MTUS2: variants seen among roughly 807,000 people sequenced by gnomAD.
MTUS2 encodes microtubule-associated tumor suppressor candidate 2.
In MTUS2, 40 loss-of-function variants were observed where a neutral mutation model predicts 114.1. The ratio of observed to expected loss-of-function variants is 0.35; its 90% confidence interval spans 0.27 to 0.46. MTUS2 has a LOEUF of 0.46. MTUS2 is among the 20% of genes least tolerant of loss of function. The pLI, the probability that MTUS2 is intolerant of heterozygous loss-of-function variation, is 1.00. For missense variants in MTUS2, 1,679 were observed against 1,705.4 expected, an observed-to-expected ratio of 0.98 and a Z score of 0.27; for synonymous variants, 688 against 672.0, an observed-to-expected ratio of 1.02 and a Z score of -0.37.
intron 2 of MTUS2, among the ~76,000 whole-genome samples, chr13:29,014,075 A>T (rs893482816): frequency 6.6e-6 from 1 of 152,206 alleles, no homozygotes; most frequent in African/African-American, 2.4e-5. Flanking sequence ...TTCGATGCTC[A>T]GTAAATCAGG....
At chr13:29,453,771 G>A (rs1218739937) in intron 9 of MTUS2, among the ~76,000 whole-genome samples, 1 of 152,174 alleles carries the variant, frequency 6.6e-6, no homozygotes, top group East Asian at 1.9e-4. Flanking sequence ...TAAGCAGGAG[G>A]AGTAGAGCAA....
At chr13:29,014,387 G>A (rs1189146245) in intron 2 of MTUS2, among the ~76,000 whole-genome samples, 1 of 152,184 alleles carries the variant, frequency 6.6e-6, no homozygotes, top group Non-Finnish European at 1.5e-5. Flanking sequence ...AAATAAATTA[G>A]GAAAGCTTAA....
intron 1 of MTUS2, among the ~76,000 whole-genome samples, chr13:28,824,396 C>T (rs567711842): frequency 6.6e-6 from 1 of 152,286 alleles, no homozygotes; most frequent in African/African-American, 2.4e-5. Flanking sequence ...GGGTAGGAGC[C>T]TAACTTTGAC....
chr13:29,460,055 A>G (rs1879375612), intron 9 of MTUS2, among the ~76,000 whole-genome samples: 1 of 152,200 alleles, frequency 6.6e-6, no homozygotes, highest in South Asian at 2.1e-4. Flanking sequence ...CATTTACTGA[A>G]TGCCAATGAA....
intron 3 of MTUS2, 35 bp downstream of exon 3, chr13:29,026,938 T>G (rs761396109): frequency 6.6e-7 from 1 of 1,520,026 alleles, no homozygotes; most frequent in Admixed American, 2.1e-5. Context: ...GTCTATAAGT[T>G]GACTGTCCCA....
chr13:29,137,540 C>T lies in MTUS2; in HGVS notation c.2644+36570C>T, dbSNP rs1411207514. Among the ~76,000 whole-genome samples, 8 of 151,788 alleles carry T rather than the reference C, an allele frequency of 5.3e-5. 1 individual carries two copies. The South Asian group carries it at 1.5e-3, about 28-fold the overall frequency. ...AGAGCTCTGTTTACTTTTCTTCAGT[C>T]TTCTTCTTCTTTCTTCTTTCTTCTT... is the stretch of plus-strand genomic sequence containing the variant. On this transcript the variant is annotated intron_variant, in intron 5 of 15. Coordinates refer to ENST00000612955, the MANE Select transcript of MTUS2 (RefSeq NM_001033602.4).
chr13:29,179,000 G>T (rs561721835), intron 5 of MTUS2, among the ~76,000 whole-genome samples: 28 of 152,282 alleles, frequency 1.8e-4, no homozygotes, highest in African/African-American at 6.5e-4. Flanking sequence ...AGCTGCTTTG[G>T]CTGCCTACTT....
At chr13:29,044,988 C>T (rs1019567240) in intron 4 of MTUS2, among the ~76,000 whole-genome samples, 3 of 152,130 alleles carry the variant, frequency 2.0e-5, no homozygotes, top group African/African-American at 7.2e-5. Flanking sequence ...CCATGTGTCC[C>T]CCTTTATCTT....
intron 6 of MTUS2, among the ~76,000 whole-genome samples, chr13:29,303,961 G>A (rs1315035235): frequency 6.6e-6 from 1 of 152,214 alleles, no homozygotes; most frequent in South Asian, 2.1e-4. Context: ...CTACAAGCCA[G>A]AAGAGTTTGG....
intron 11 of MTUS2, chr13:29,489,878 C>T (rs1460390772): frequency 2.6e-5 from 4 of 152,236 alleles, no homozygotes; most frequent in African/African-American, 9.6e-5. Flanking sequence ...TTGAAAACGC[C>T]CTGAAATCTG....
Position 29,170,826 on chromosome 13 carries a change from G to A in MTUS2, c.2644+69856G>A, listed in dbSNP as rs558831854. ...CCATAAAGTGTGTGTCTCTTGTTGT[G>A]GTTGTTATTCAGTAATGTTGTTCTT... On this transcript the variant is annotated intron_variant, in intron 5 of 15. Transcript: ENST00000612955. Among the ~76,000 whole-genome samples, 4 of 152,244 alleles carry A rather than the reference G, an allele frequency of 2.6e-5. No individual in the cohort carries two copies. The South Asian group carries it at 6.2e-4, about 24-fold the overall frequency.
chr13:29,438,416 A>G (rs990869331), intron 8 of MTUS2, among the ~76,000 whole-genome samples: 6 of 152,276 alleles, frequency 3.9e-5, no homozygotes, highest in African/African-American at 1.2e-4. Context: ...ATTTCTCACA[A>G]TTCTGCAGTC....
At chr13:29,403,069 G>A (rs548009923) in intron 8 of MTUS2, among the ~76,000 whole-genome samples, 1 of 152,290 alleles carries the variant, frequency 6.6e-6, no homozygotes, top group East Asian at 1.9e-4. Flanking sequence ...GAGGGAAGGA[G>A]GGGAGTTAGA....
rs181236526 is a variant in MTUS2, at chr13:28,990,638, G to A, written c.-242-33819G>A. On this transcript the variant is annotated intron_variant, in intron 2 of 15. Transcript: ENST00000612955. ...TAAAGGATTGTAAATGCACCAATCA[G>A]CACTCTGTAAAATGGACCAATCAAC... Among the ~76,000 whole-genome samples the A allele has an allele frequency of 3.3e-5, 5 of 152,372 alleles. No individual in the cohort carries two copies. In the East Asian group the frequency reaches 9.6e-4, roughly 29 times the overall value.
chr13:29,062,010 G>A (rs1020043652), intron 4 of MTUS2, among the ~76,000 whole-genome samples: 9 of 151,924 alleles, frequency 5.9e-5, no homozygotes, highest in African/African-American at 2.2e-4. Context: ...TTTGAGATAG[G>A]GTCTCCTTCT....
At chr13:29,048,459 T>C (rs140071555) in intron 4 of MTUS2, among the ~76,000 whole-genome samples, 1 of 152,314 alleles carries the variant, frequency 6.6e-6, no homozygotes, top group Non-Finnish European at 1.5e-5. Flanking sequence ...TTTATGAGTA[T>C]TGGATGTATT....
At chr13:29,136,016 A>C (rs1409269325) in intron 5 of MTUS2, among the ~76,000 whole-genome samples, 9 of 152,246 alleles carry the variant, frequency 5.9e-5, no homozygotes. Flanking sequence ...TAGACTCTTA[A>C]GTCCCATAGA....
chr13:29,014,982 C>T (rs1886005274), intron 2 of MTUS2, among the ~76,000 whole-genome samples: 2 of 152,198 alleles, frequency 1.3e-5, no homozygotes, highest in Admixed American at 1.3e-4. Flanking sequence ...GGACACAGTG[C>T]CCGGGATGAC....
At chr13:28,949,495 TA>T (rs1200142903) in intron 2 of MTUS2, among the ~76,000 whole-genome samples, 1 of 152,238 alleles carries the variant, frequency 6.6e-6, no homozygotes, top group East Asian at 1.9e-4. Flanking sequence ...TTTACCATCT[TA>T]ACAATTTTTA....
Sources: gnomAD v4.1 joint callset for allele counts (sites outside exome capture counted in the v4.1 genomes callset) on GRCh38, gnomAD v4.1.1 for gene constraint, MANE v1.5 for transcripts, NCBI Gene and HGNC (gene_info 2026-07-23, HGNC 2026-07-21) for gene names.